Variants in RIPOR2 observed in about 807,000 individuals in gnomAD.
RIPOR2 encodes the protein rho family-interacting cell polarization regulator 2.
Under a neutral mutation model 114.5 loss-of-function variants are expected in RIPOR2, and 39 were observed. The ratio of observed to expected loss-of-function variants is 0.34; its 90% CI spans 0.26 to 0.44. The LOEUF is 0.44. Ranked by LOEUF, RIPOR2 falls within the 20% of genes least tolerant of loss-of-function variation. The pLI is 1.00. For synonymous variants in RIPOR2, 445 were observed against 484.4 expected (o/e 0.92, Z 1.07); for missense variants, 1,007 against 1,255.1 (o/e 0.80, Z 2.99).
intron 1 of RIPOR2, chr6:24,876,947 A>G: frequency 1.0e-6 from 1 of 984,464 alleles, no homozygotes; most frequent in Non-Finnish European, 1.2e-6. Context: ...GTCAAAGCAC[A>G]TACCATTGTC....
At chr6:24,926,867 G>T (rs1050353313) in intron 1 of RIPOR2, among the ~76,000 whole-genome samples, 24 of 151,360 alleles carry the variant, frequency 1.6e-4, no homozygotes, top group South Asian at 2.1e-4. Context: ...ATCATCATCA[G>T]CAGCAGCATC....
chr6:24,895,138 C>T lies in RIPOR2; in HGVS notation c.62-19321G>A, dbSNP rs932459925. On this transcript the variant is annotated intron_variant, in intron 1 of 21. Transcript: ENST00000643898. ...CACCATCTCGGGTCACTGCAACCTCCGCCTTCCAGGTTCAAGCTATTCTCC... is the reference window on the plus strand; with the variant it reads ...CACCATCTCGGGTCACTGCAACCTCTGCCTTCCAGGTTCAAGCTATTCTCC... Among the ~76,000 whole-genome samples the T allele has an allele frequency of 2.6e-5, 4 of 152,232 alleles. No homozygotes were observed. The East Asian group carries it at 5.8e-4, about 22-fold the overall frequency.
chr6:24,898,107 T>A (rs1408146610), intron 1 of RIPOR2, among the ~76,000 whole-genome samples: 1 of 151,922 alleles, frequency 6.6e-6, no homozygotes, highest in Non-Finnish European at 1.5e-5. Context: ...CAAGCCAAAG[T>A]GTAATGCTAG....
Position 24,843,489 on chromosome 6 carries a change from G to A in RIPOR2, c.1230C>T (p.Leu410=). The A allele has an allele frequency of 1.9e-6, 3 of 1,568,396 alleles. No homozygotes were observed. Among genetic ancestry groups the A allele is most frequent in the Non-Finnish European group, 2.6e-6 (3 of 1,153,266 alleles). The part of the protein sequence containing the change: ...KAAEEKMPLS[L]SFSDLPNGDC... ...CCCCGTTGGGCAGGTCACTGAAGCT[G>A]AGCGACAGTGGCATTTTCTCCTCGG... is the stretch of plus-strand genomic sequence containing the variant. The change falls in exon 13 of 22, where the codon CTC becomes CTT. Residue 410 remains leucine (L), a synonymous_variant. Coordinates refer to ENST00000643898, the MANE Select transcript of RIPOR2 (RefSeq NM_001286445.3).
chr6:24,835,834 T>C lies in RIPOR2; in HGVS notation c.2077A>G (p.Ser693Gly). 1 of 1,551,478 alleles carries C rather than the reference T, an allele frequency of 6.4e-7. No homozygotes were observed. Among genetic ancestry groups the C allele is most frequent in the Non-Finnish European group, 8.7e-7 (1 of 1,146,854 alleles). Reference sequence around the variant, plus strand: ...CCTGTGTCTTCAGTGAGCGCTTCACTGAGATGCCCCCTGGCTTCTGGGTGA... The same window carrying C: ...CCTGTGTCTTCAGTGAGCGCTTCACCGAGATGCCCCCTGGCTTCTGGGTGA... ...SVHPEARGHL[S>G]EALTEDTGVG... The change falls in exon 15 of 22, where the codon AGT (serine) becomes GGT (glycine). Residue 693 changes from serine (S) to glycine (G), a missense_variant. Ser to Gly is a moderately conservative substitution (Grantham distance 56). Transcript: ENST00000643898.
chr6:25,013,570 C>T (rs1327344540), intron 1 of RIPOR2, among the ~76,000 whole-genome samples: 1 of 152,192 alleles, frequency 6.6e-6, no homozygotes, highest in African/African-American at 2.4e-5. Context: ...ACACTGAACA[C>T]CTGAATTTTT....
intron 1 of RIPOR2, among the ~76,000 whole-genome samples, chr6:25,002,049 A>G (rs1775346604): frequency 6.6e-6 from 1 of 152,138 alleles, no homozygotes; most frequent in Non-Finnish European, 1.5e-5. Flanking sequence ...CAGCTCTACC[A>G]TTGTAGTTGA....
At chr6:24,842,441 C>A (rs1315697896) in intron 13 of RIPOR2, among the ~76,000 whole-genome samples, 2 of 152,182 alleles carry the variant, frequency 1.3e-5, no homozygotes, top group African/African-American at 4.8e-5. Flanking sequence ...CTCCAGCAGG[C>A]AGTGGCTCAT....
intron 1 of RIPOR2, among the ~76,000 whole-genome samples, chr6:25,032,501 C>T (rs577139758): frequency 5.9e-5 from 9 of 152,252 alleles, no homozygotes; most frequent in Admixed American, 2.6e-4. Context: ...CTTTCCAAAT[C>T]GCCCTCTGTT....
At chr6:24,943,809 C>T (rs561763736) in intron 1 of RIPOR2, among the ~76,000 whole-genome samples, 1 of 152,138 alleles carries the variant, frequency 6.6e-6, no homozygotes, top group East Asian at 1.9e-4. Flanking sequence ...CCATTCCCCC[C>T]AAAGTCCCAT....
chr6:25,017,819 C>T (rs1395328191), intron 1 of RIPOR2, among the ~76,000 whole-genome samples: 1 of 152,194 alleles, frequency 6.6e-6, no homozygotes, highest in Non-Finnish European at 1.5e-5. Context: ...TGGACCCTGG[C>T]ACAGCCCAGT....
At chr6:24,824,098 C>T (rs1759942860) in intron 19 of RIPOR2, among the ~76,000 whole-genome samples, 1 of 152,198 alleles carries the variant, frequency 6.6e-6, no homozygotes, top group African/African-American at 2.4e-5. Flanking sequence ...ACACTGGCCC[C>T]TCAGTGTGAC....
In RIPOR2 at chr6:24,804,600, TATA is replaced by T. The variant is rs1780670168; in HGVS notation, c.*1770_*1772del. 1 of 152,124 alleles carries T rather than the reference TATA, an allele frequency of 6.6e-6. No individual in the cohort carries two copies. Among genetic ancestry groups the T allele is most frequent in the Non-Finnish European group, 1.5e-5 (1 of 68,024 alleles). The allele number at this position is 152,124 out of a possible 1,614,324, so 9.4% of individuals were successfully genotyped here. A position where few individuals can be genotyped will look rare whatever the true frequency, so the allele number is the denominator to read the frequency against. Reference sequence around the variant, plus strand: ...TTAAAGTGAAGGATGTATGAATATATATAATATTTATAAATATACAGATATGTA... The same window carrying T: ...TTAAAGTGAAGGATGTATGAATATATATATTTATAAATATACAGATATGTA... On this transcript the variant is annotated 3_prime_UTR_variant, in exon 22 of 22. Transcript: ENST00000643898.
chr6:24,865,248 T>G, intron 7 of RIPOR2, 53 bp downstream of exon 7: 1 of 1,489,140 alleles, frequency 6.7e-7, no homozygotes, highest in Non-Finnish European at 9.1e-7. Context: ...TTACCAACAA[T>G]TCACACCAGG....
chr6:24,855,923 A>G lies in RIPOR2; in HGVS notation c.716-3305T>C, dbSNP rs1763425231. ...GTGGCGTGCGCCCGTGGTCCCAGTT[A>G]CTCAGGAGGTTGAGGCAGGAGGATT... On this transcript the variant is annotated intron_variant, in intron 8 of 21. Transcript: ENST00000643898. 2.0e-5 allele frequency among the ~76,000 whole-genome samples: 3 copies of G among 152,074 alleles called. No homozygotes were observed. The South Asian group carries it at 6.2e-4, about 31-fold the overall frequency.
chr6:24,829,204 T>C (rs751507597), intron 17 of RIPOR2, among the ~76,000 whole-genome samples: 3 of 151,916 alleles, frequency 2.0e-5, no homozygotes, highest in African/African-American at 7.3e-5. Context: ...TCACAGCTAC[T>C]GGGTGGGGCT....
intron 1 of RIPOR2, among the ~76,000 whole-genome samples, chr6:25,006,714 G>A (rs904140300): frequency 6.6e-6 from 1 of 152,204 alleles, no homozygotes; most frequent in Non-Finnish European, 1.5e-5. Context: ...CCAGAGCCAC[G>A]AGAGTTCTGA....
chr6:24,843,632 A>G (rs1761960873), intron 12 of RIPOR2, 78 bp from the exon 13 acceptor site: 1 of 1,058,278 alleles, frequency 9.4e-7, no homozygotes, highest in African/African-American at 1.6e-5. Flanking sequence ...TTCCAGACAG[A>G]ATATAAGGCA....
chr6:24,902,414 A>G (rs988709872), intron 1 of RIPOR2, among the ~76,000 whole-genome samples: 1 of 152,002 alleles, frequency 6.6e-6, no homozygotes, highest in Admixed American at 6.6e-5. Flanking sequence ...CTGGAGTTTT[A>G]CCATGTTGTC....
Sources: gnomAD v4.1 joint callset for allele counts (sites outside exome capture counted in the v4.1 genomes callset) on GRCh38, gnomAD v4.1.1 for gene constraint, MANE v1.5 for transcripts, NCBI Gene and HGNC (gene_info 2026-07-23, HGNC 2026-07-21) for gene names.